The following LRRIQ3 variants were observed in gnomAD, a reference collection of about 807,000 sequenced individuals.
The protein encoded by LRRIQ3 is leucine-rich repeat and IQ domain-containing protein 3.
LRRIQ3 carries 75 observed loss-of-function variants against 59.3 expected under a neutral mutation model. That is an observed-to-expected ratio of 1.26 (90% CI 1.05 to 1.53). The LOEUF (loss-of-function observed/expected upper bound fraction) is 1.53, where lower values mean the gene tolerates loss of function less well. Among genes scored for constraint, LRRIQ3 ranks in the 40% most tolerant of loss-of-function variants. The probability of loss-of-function intolerance (pLI) is 0.00; values close to 1 mark genes in which losing one functional copy is unlikely to be tolerated. For synonymous variants in LRRIQ3, 250 were observed against 231.3 expected (o/e 1.08, Z -0.73); for missense variants, 831 against 710.0 (o/e 1.17, Z -1.94).
At chr1:74,134,030 C>T (rs1464608588) in intron 4 of LRRIQ3, among the ~76,000 whole-genome samples, 2 of 151,344 alleles carry the variant, frequency 1.3e-5, no homozygotes, top group African/African-American at 4.8e-5. Context: ...TTTTTTGATT[C>T]CCAGGAAATT....
intron 5 of LRRIQ3, among the ~76,000 whole-genome samples, chr1:74,079,235 G>A (rs1388732968): frequency 6.6e-6 from 1 of 151,586 alleles, no homozygotes; most frequent in Non-Finnish European, 1.5e-5. Flanking sequence ...ATCAAAATAT[G>A]GCTCCTCACC....
At chr1:74,027,935 T>C (rs187480753) in intron 7 of LRRIQ3, among the ~76,000 whole-genome samples, 5 of 151,986 alleles carry the variant, frequency 3.3e-5, no homozygotes, top group Non-Finnish European at 7.4e-5. Flanking sequence ...ACTTGGTAAA[T>C]ATAAACTAAA....
At chr1:74,117,613 C>A (rs1051266019) in intron 4 of LRRIQ3, among the ~76,000 whole-genome samples, 2 of 151,956 alleles carry the variant, frequency 1.3e-5, no homozygotes, top group African/African-American at 2.4e-5. Flanking sequence ...TAATACTACA[C>A]AAATTAGCCA....
At chr1:74,038,863 G>A (rs965306893) in intron 7 of LRRIQ3, among the ~76,000 whole-genome samples, 3 of 152,164 alleles carry the variant, frequency 2.0e-5, no homozygotes, top group African/African-American at 7.2e-5. Flanking sequence ...TCATGAAGAT[G>A]AGAACGAATC....
intron 6 of LRRIQ3, among the ~76,000 whole-genome samples, chr1:74,044,096 A>C (rs1238261122): frequency 6.6e-6 from 1 of 152,132 alleles, no homozygotes; most frequent in Admixed American, 6.6e-5. Flanking sequence ...TTAAAGCTCT[A>C]TGTAGTAGTT....
At chr1:74,053,546 G>A (rs1033521224) in intron 6 of LRRIQ3, among the ~76,000 whole-genome samples, 1 of 151,984 alleles carries the variant, frequency 6.6e-6, no homozygotes, top group African/African-American at 2.4e-5. Flanking sequence ...ATGAGCAAGG[G>A]GCTGGGTGCA....
intron 4 of LRRIQ3, among the ~76,000 whole-genome samples, chr1:74,122,526 A>T (rs767948759): frequency 6.6e-6 from 1 of 152,096 alleles, no homozygotes; most frequent in Admixed American, 6.6e-5. Flanking sequence ...ATAATGCCGC[A>T]TATCTACAAT....
intron 7 of LRRIQ3, among the ~76,000 whole-genome samples, chr1:74,034,964 T>A (rs1653825011): frequency 6.6e-6 from 1 of 151,968 alleles, no homozygotes; most frequent in Admixed American, 6.6e-5. Context: ...AGGATAAAAC[T>A]GTGGCTGACC....
intron 1 of LRRIQ3, among the ~76,000 whole-genome samples, chr1:74,196,432 C>T (rs931201753): frequency 1.3e-5 from 2 of 152,172 alleles, no homozygotes; most frequent in Non-Finnish European, 2.9e-5. Flanking sequence ...TTCTTGCTGA[C>T]AATTCCCAAA....
At chr1:74,161,303 A>C (rs1162825242) in intron 3 of LRRIQ3, among the ~76,000 whole-genome samples, 2 of 152,028 alleles carry the variant, frequency 1.3e-5, no homozygotes, top group African/African-American at 4.8e-5. Context: ...TAGCATGTAA[A>C]TTTTAGACTG....
chr1:74,122,238 G>A (rs1284310361), intron 4 of LRRIQ3, among the ~76,000 whole-genome samples: 22 of 151,940 alleles, frequency 1.4e-4, no homozygotes, highest in East Asian at 1.9e-4. Flanking sequence ...CATCCTCTCA[G>A]GCACCTGTTG....
At chr1:74,094,750 T>A (rs1646431389) in intron 5 of LRRIQ3, among the ~76,000 whole-genome samples, 3 of 152,068 alleles carry the variant, frequency 2.0e-5, no homozygotes, top group Admixed American at 2.0e-4. Context: ...ATATGATAGA[T>A]ATTAGAGGGC....
intron 5 of LRRIQ3, chr1:74,083,413 T>A (rs1215402502): frequency 6.6e-6 from 1 of 151,482 alleles, no homozygotes; most frequent in African/African-American, 2.4e-5. Context: ...ACAAGCTTAT[T>A]TTAAGTTCTT....
chr1:74,031,266 A>G (rs1231811758), intron 7 of LRRIQ3, among the ~76,000 whole-genome samples: 1 of 152,190 alleles, frequency 6.6e-6, no homozygotes, highest in African/African-American at 2.4e-5. Context: ...TACTGGGTAT[A>G]TACCCAAAGG....
chr1:74,111,043 A>T lies in LRRIQ3; in HGVS notation c.708-1490T>A, dbSNP rs979999598. Among the ~76,000 whole-genome samples, 4 of 152,192 alleles carry T rather than the reference A, an allele frequency of 2.6e-5. No individual in the cohort carries two copies. The South Asian group carries it at 6.2e-4, about 24-fold the overall frequency. On this transcript the variant is annotated intron_variant, in intron 4 of 7. Transcript: ENST00000354431. ...ACTCATTACTTCTGCTCACTTTCCA[A>T]TATAACAACAACAAAAAATTGTAGT...
At chr1:74,055,969 C>A (rs574931477) in intron 6 of LRRIQ3, among the ~76,000 whole-genome samples, 1 of 151,828 alleles carries the variant, frequency 6.6e-6, no homozygotes, top group South Asian at 2.1e-4. Context: ...ACGGAGAAAG[C>A]CCGTCTCTAC....
chr1:74,058,962 A>G (rs956525055), intron 6 of LRRIQ3, among the ~76,000 whole-genome samples: 1 of 152,094 alleles, frequency 6.6e-6, no homozygotes, highest in African/African-American at 2.4e-5. Context: ...TATCTTTGCC[A>G]ACCCTTTGCA....
At chr1:74,058,150 G>A (rs977136915) in intron 6 of LRRIQ3, among the ~76,000 whole-genome samples, 1 of 152,042 alleles carries the variant, frequency 6.6e-6, no homozygotes, top group Non-Finnish European at 1.5e-5. Context: ...CAATGACTAT[G>A]GAAAATAGTA....
At chr1:74,180,136 C>G (rs1162393070) in intron 3 of LRRIQ3, 1 of 151,896 alleles carries the variant, frequency 6.6e-6, no homozygotes, top group Non-Finnish European at 1.5e-5. Flanking sequence ...CAACTGCAAG[C>G]TATTGAAATT....
Sources: gnomAD v4.1 joint callset for allele counts (sites outside exome capture counted in the v4.1 genomes callset) on GRCh38, gnomAD v4.1.1 for gene constraint, MANE v1.5 for transcripts, NCBI Gene and HGNC (gene_info 2026-07-23, HGNC 2026-07-21) for gene names.